The following USP17L2 variants were observed in gnomAD, a reference collection of about 807,000 sequenced individuals.
USP17L2 encodes the protein ubiquitin carboxyl-terminal hydrolase 17.
USP17L2 carries 29 observed loss-of-function variants against 39.8 expected under a neutral mutation model. The observed-to-expected ratio is 0.73, with a 90% CI of 0.54 to 0.99. The LOEUF is 0.99. Among genes scored for constraint, USP17L2 ranks in the 50% least tolerant of loss-of-function variants. The probability of loss-of-function intolerance (pLI) is 0.00; values close to 1 mark genes in which losing one functional copy is unlikely to be tolerated. For missense variants in USP17L2, 567 were observed against 647.2 expected (o/e 0.88, Z 1.35); for synonymous variants, 231 against 252.7 (o/e 0.91, Z 0.81).
Position 12,137,785 on chromosome 8 carries a change from C to A in USP17L2, c.976G>T (p.Ala326Ser), listed in dbSNP as rs375059946. The change falls in exon 1 of 1, where the codon GCT becomes TCT. Residue 326 changes from alanine (A) to serine (S), a missense_variant. This residue lies in a region of USP17L2 where 304 missense variants were observed against 254.7 expected (regional missense o/e 1.19). Coordinates refer to ENST00000333796, the MANE Select transcript of USP17L2 (RefSeq NM_201402.3). ...VYVLYAVLVH[A>S]GWSCHDGHYF... Reference sequence around the variant, plus strand: ...TGTCCGTCGTGACAACTCCACCCAGCGTGGACCAGCACAGCATAGAGGACA... The same window carrying A: ...TGTCCGTCGTGACAACTCCACCCAGAGTGGACCAGCACAGCATAGAGGACA... The A allele has an allele frequency of 1.1e-5, 16 of 1,486,402 alleles. 1 individual carries two copies. The African/African-American group carries it at 2.1e-4, about 19-fold the overall frequency. 92.1% of individuals were successfully genotyped at this position (1,486,402 alleles called of 1,614,324 possible). A position where few individuals can be genotyped will look rare whatever the true frequency, so the allele number is the denominator to read the frequency against.
rs537911522 is a variant in USP17L2 at position 12,138,560 on chromosome 8, C to A, written c.201G>T (p.Lys67Asn). 3.3e-6 allele frequency: 5 copies of A among 1,530,736 alleles called. No individual in the cohort carries two copies. The African/African-American group carries it at 5.9e-5, about 18-fold the overall frequency. 94.8% of individuals were successfully genotyped at this position (1,530,736 alleles called of 1,614,324 possible). The change falls in exon 1 of 1, where the codon AAG (lysine) becomes AAT (asparagine). Residue 67 changes from lysine (K) to asparagine (N), a missense_variant. Transcript: ENST00000333796. ...CAGGTCTCCTGCTACTCAGAGGAAG[C>A]TTCTTCCTGGGAGCAAGCTGTCTTG... ...PVARQLAPRKKLPLSSRRPAA... is the reference protein window; with the variant it reads ...PVARQLAPRKNLPLSSRRPAA...
At position 12,138,602 on chromosome 8, in the gene USP17L2, A is replaced by G. The variant is rs756836047; in HGVS notation, c.159T>C (p.Asp53=). The G allele has an allele frequency of 5.9e-6, 9 of 1,530,864 alleles. No homozygotes were observed. Among genetic ancestry groups the G allele is most frequent in the East Asian group, 2.6e-5 (1 of 38,474 alleles). 94.8% of individuals were successfully genotyped at this position (1,530,864 alleles called of 1,614,324 possible). ...GCTGTCTTGCCACAGGAGCCAAATCATCACAGAGGTCGACACGGGCCTCAG... is the reference window on the plus strand; with the variant it reads ...GCTGTCTTGCCACAGGAGCCAAATCGTCACAGAGGTCGACACGGGCCTCAG... ...LSSEARVDLC[D]DLAPVARQLA... is the part of the protein sequence containing the mutation. Residue 53 remains aspartate, a synonymous_variant, in exon 1 of 1, where the codon GAT becomes GAC. Transcript: ENST00000333796.
rs1190204391 is a variant in USP17L2, at chr8:12,137,069, TTGTG to T, written c.*95_*98del. 144 of 1,248,082 alleles carry T rather than the reference TTGTG, an allele frequency of 1.2e-4. 8 individuals are homozygous for T. Among genetic ancestry groups the T allele is most frequent in the East Asian group, 6.4e-4 (22 of 34,492 alleles). The allele number at this position is 1,248,082 out of a possible 1,614,324, so 77.3% of individuals were successfully genotyped here. On this transcript the variant is annotated 3_prime_UTR_variant, in exon 1 of 1. Transcript: ENST00000333796. ...TATGTAGGATTGACGGTGTTCGTGT[TTGTG>T]TGTGTGTGTGTGTTTGCGTGCGCGC...
At position 12,138,605 on chromosome 8, in the gene USP17L2, A is replaced by G; in HGVS notation, c.156T>C (p.Cys52=). 6.5e-7 allele frequency: 1 copy of G among 1,530,650 alleles called. No individual in the cohort carries two copies. The highest frequency in any genetic ancestry group is 1.2e-5 in the South Asian group (1 of 81,272). 94.8% of individuals were successfully genotyped at this position (1,530,650 alleles called of 1,614,324 possible). ...PLSSEARVDL[C]DDLAPVARQL... Reference sequence around the variant, plus strand: ...GTCTTGCCACAGGAGCCAAATCATCACAGAGGTCGACACGGGCCTCAGATG... The same window carrying G: ...GTCTTGCCACAGGAGCCAAATCATCGCAGAGGTCGACACGGGCCTCAGATG... The change falls in exon 1 of 1, where the codon TGT becomes TGC. Residue 52 remains cysteine, a synonymous_variant. Coordinates refer to ENST00000333796, the MANE Select transcript of USP17L2 (RefSeq NM_201402.3).
chr8:12,138,493 A>T lies in USP17L2; in HGVS notation c.268T>A (p.Tyr90Asn), dbSNP rs371801443. 1.9e-6 allele frequency: 3 copies of T among 1,540,458 alleles called. No homozygotes were observed. The highest frequency in any genetic ancestry group is 1.8e-5 in the Admixed American group (1 of 56,280). The change falls in exon 1 of 1, where the codon TAC (tyrosine) becomes AAC (asparagine). Residue 90 changes from tyrosine (Y) to asparagine (N), a missense_variant. This residue lies in a region of USP17L2 where 120 missense variants were observed against 111.0 expected (regional missense o/e 1.08). Coordinates refer to ENST00000333796, the MANE Select transcript of USP17L2 (RefSeq NM_201402.3). Reference protein sequence around the residue: ...AGLQNMGNTCYENASLQCLTY... With the variant: ...AGLQNMGNTCNENASLQCLTY... The stretch of plus-strand genomic sequence containing the variant: ...AGGCACTGCAGGGAAGCGTTCTCGT[A>T]GCAGGTATTTCCCATATTCTGGAGC...
rs1230413118 is a variant in USP17L2, at chr8:12,137,200, G to C, written c.1561C>G (p.His521Asp). 3 of 1,531,022 alleles carry C rather than the reference G, an allele frequency of 2.0e-6. No homozygotes were observed. Among genetic ancestry groups the C allele is most frequent in the East Asian group, 5.2e-5 (2 of 38,158 alleles). The allele number at this position is 1,531,022 out of a possible 1,614,324, so 94.8% of individuals were successfully genotyped here. A position where few individuals can be genotyped will look rare whatever the true frequency, so the allele number is the denominator to read the frequency against. ...CACACAAGCAGAGCCCTCTTGCTGT[G>C]TTTGTTCTTCCCTTTGGATCTCCTG... is the stretch of plus-strand genomic sequence containing the variant. Reference protein sequence around the residue: ...RTRRSKGKNKHSKRALLVCQ With the variant: ...RTRRSKGKNKDSKRALLVCQ The change falls in exon 1 of 1, where the codon CAC becomes GAC. Residue 521 changes from histidine (H) to aspartate (D), a missense_variant. Physicochemically the swap from His to Asp is moderately conservative, Grantham distance 81. Coordinates refer to ENST00000333796, the MANE Select transcript of USP17L2 (RefSeq NM_201402.3).
rs1401548151 is a variant in USP17L2 at position 12,137,267 on chromosome 8, C to T, written c.1494G>A (p.Glu498=). The part of the protein sequence containing the change: ...NLSSTTRTDQ[E]SVNTGTLASL... ...AAGCGAGGGTGCCAGTGTTCACGGACTCCTGATCTGTCCGGGTCGTCGAAG... is the reference window on the plus strand; with the variant it reads ...AAGCGAGGGTGCCAGTGTTCACGGATTCCTGATCTGTCCGGGTCGTCGAAG... Residue 498 remains glutamate, a synonymous_variant, in exon 1 of 1, where the codon GAG becomes GAA. Coordinates refer to ENST00000333796, the MANE Select transcript of USP17L2 (RefSeq NM_201402.3). 4.6e-6 allele frequency: 7 copies of T among 1,530,786 alleles called. 1 individual carries two copies. The African/African-American group carries it at 5.9e-5, about 13-fold the overall frequency. The allele number at this position is 1,530,786 out of a possible 1,614,324, so 94.8% of individuals were successfully genotyped here. A position where few individuals can be genotyped will look rare whatever the true frequency, so the allele number is the denominator to read the frequency against.
chr8:12,137,274 T>C lies in USP17L2; in HGVS notation c.1487A>G (p.Asp496Gly). The C allele has an allele frequency of 9.1e-6, 14 of 1,530,858 alleles. 2 individuals are homozygous for C. Among genetic ancestry groups the C allele is most frequent in the Non-Finnish European group, 1.1e-5 (13 of 1,135,032 alleles). 94.8% of individuals were successfully genotyped at this position (1,530,858 alleles called of 1,614,324 possible). A position where few individuals can be genotyped will look rare whatever the true frequency, so the allele number is the denominator to read the frequency against. The change falls in exon 1 of 1, where the codon GAT becomes GGT. Residue 496 changes from aspartate (D) to glycine (G), a missense_variant. Around this residue, in one of 6 missense-constraint regions of USP17L2, gnomAD observed 304 missense variants for 254.7 expected, o/e 1.19. Coordinates refer to ENST00000333796, the MANE Select transcript of USP17L2 (RefSeq NM_201402.3). ...LLNLSSTTRTDQESVNTGTLA... is the reference protein window; with the variant it reads ...LLNLSSTTRTGQESVNTGTLA... ...GGTGCCAGTGTTCACGGACTCCTGATCTGTCCGGGTCGTCGAAGAGAGGTT... is the reference window on the plus strand; with the variant it reads ...GGTGCCAGTGTTCACGGACTCCTGACCTGTCCGGGTCGTCGAAGAGAGGTT...
chr8:12,138,663 T>C lies in USP17L2; in HGVS notation c.98A>G (p.Gln33Arg). 1 of 1,519,934 alleles carries C rather than the reference T, an allele frequency of 6.6e-7. No homozygotes were observed. The highest frequency in any genetic ancestry group is 8.9e-7 in the Non-Finnish European group (1 of 1,124,864). The allele number at this position is 1,519,934 out of a possible 1,614,324, so 94.2% of individuals were successfully genotyped here. A position where few individuals can be genotyped will look rare whatever the true frequency, so the allele number is the denominator to read the frequency against. Reference sequence around the variant, plus strand: ...TGACTTCTCAGGGAGAGAAGTCCGCTGGATTTCAGCAAAAGCTGCATCTGG... The same window carrying C: ...TGACTTCTCAGGGAGAGAAGTCCGCCGGATTTCAGCAAAAGCTGCATCTGG... ...SRPDAAFAEI[Q>R]RTSLPEKSPL... Residue 33 changes from glutamine to arginine, a missense_variant, in exon 1 of 1, where the codon CAG (glutamine) becomes CGG (arginine). This residue lies in a region of USP17L2 where 120 missense variants were observed against 111.0 expected (regional missense o/e 1.08). Coordinates refer to ENST00000333796, the MANE Select transcript of USP17L2 (RefSeq NM_201402.3).
rs747251824 is a variant in USP17L2, at chr8:12,138,616, C to T, written c.145G>A (p.Val49Ile). Residue 49 changes from valine (V) to isoleucine (I), a missense_variant, in exon 1 of 1, where the codon GTC (valine) becomes ATC (isoleucine). Coordinates refer to ENST00000333796, the MANE Select transcript of USP17L2 (RefSeq NM_201402.3). ...GGAGCCAAATCATCACAGAGGTCGA[C>T]ACGGGCCTCAGATGAGAGTGGTGAC... is the stretch of plus-strand genomic sequence containing the variant. ...EKSPLSSEARVDLCDDLAPVA... is the reference protein window; with the variant it reads ...EKSPLSSEARIDLCDDLAPVA... 3 of 1,530,646 alleles carry T rather than the reference C, an allele frequency of 2.0e-6. No homozygotes were observed. The highest frequency in any genetic ancestry group is 2.6e-6 in the Non-Finnish European group (3 of 1,134,802). 94.8% of individuals were successfully genotyped at this position (1,530,646 alleles called of 1,614,324 possible).
At position 12,137,225 on chromosome 8, in the gene USP17L2, G is replaced by C; in HGVS notation, c.1536C>G (p.Thr512=). The change falls in exon 1 of 1, where the codon ACC becomes ACG. Residue 512 remains threonine, a synonymous_variant. Coordinates refer to ENST00000333796, the MANE Select transcript of USP17L2 (RefSeq NM_201402.3). The part of the protein sequence containing the change: ...TGTLASLQGR[T]RRSKGKNKHS... ...GTTTGTTCTTCCCTTTGGATCTCCT[G>C]GTCCTCCCTTGCAGAGAAGCGAGGG... 6.5e-7 allele frequency: 1 copy of C among 1,530,720 alleles called. No individual in the cohort carries two copies. Among genetic ancestry groups the C allele is most frequent in the Non-Finnish European group, 8.8e-7 (1 of 1,135,162 alleles). The allele number at this position is 1,530,720 out of a possible 1,614,324, so 94.8% of individuals were successfully genotyped here.
rs1430374237 is a variant in USP17L2 at position 12,137,929 on chromosome 8, G to C, written c.832C>G (p.Leu278Val). 4.6e-6 allele frequency: 7 copies of C among 1,531,436 alleles called. 1 individual carries two copies. The African/African-American group carries it at 1.0e-4, about 22-fold the overall frequency. The allele number at this position is 1,531,436 out of a possible 1,614,324, so 94.9% of individuals were successfully genotyped here. Residue 278 changes from leucine to valine, a missense_variant, in exon 1 of 1, where the codon CTT (leucine) becomes GTT (valine). By Grantham distance (32) the Leu-to-Val change is conservative. Coordinates refer to ENST00000333796, the MANE Select transcript of USP17L2 (RefSeq NM_201402.3). ...ACATCGGAGAATCTCTTCAAGACAA[G>C]GATGAGGACCTTGGCAGAAGTGTGT... The part of the protein sequence containing the change: ...TLHTSAKVLI[L>V]VLKRFSDVTG...
chr8:12,137,984 C>G lies in USP17L2; in HGVS notation c.777G>C (p.Gln259His), dbSNP rs769282150. The G allele has an allele frequency of 1.5e-5, 22 of 1,495,902 alleles. 1 individual carries two copies. Among genetic ancestry groups the G allele is most frequent in the Middle Eastern group, 4.9e-4 (2 of 4,072 alleles). 92.7% of individuals were successfully genotyped at this position (1,495,902 alleles called of 1,614,324 possible). A position where few individuals can be genotyped will look rare whatever the true frequency, so the allele number is the denominator to read the frequency against. The change falls in exon 1 of 1, where the codon CAG (glutamine) becomes CAC (histidine). Residue 259 changes from glutamine (Q) to histidine (H), a missense_variant. This residue lies in a region of USP17L2 where 65 missense variants were observed against 84.8 expected (regional missense o/e 0.77). Coordinates refer to ENST00000333796, the MANE Select transcript of USP17L2 (RefSeq NM_201402.3). The stretch of plus-strand genomic sequence containing the variant: ...TTAACGTCTTGGAGGCCGGCGCCCT[C>G]TGGAGACAAAGACCGCAATGATAGG... ...ENAYHCGLCL[Q>H]RAPASKTLTL...
Position 12,137,715 on chromosome 8 carries a change from A to G in USP17L2, c.1046T>C (p.Met349Thr). The change falls in exon 1 of 1, where the codon ATG becomes ACG. Residue 349 changes from methionine (M) to threonine (T), a missense_variant. Coordinates refer to ENST00000333796, the MANE Select transcript of USP17L2 (RefSeq NM_201402.3). ...ACAGGCAGTGACCTTGGCATCATCC[A>G]TTTTATACCACTGGCCTTCTTGAGC... The part of the protein sequence containing the change: ...VKAQEGQWYK[M>T]DDAKVTACSI... 2 of 1,532,440 alleles carry G rather than the reference A, an allele frequency of 1.3e-6. No homozygotes were observed. Among genetic ancestry groups the G allele is most frequent in the Non-Finnish European group, 1.8e-6 (2 of 1,134,064 alleles). The allele number at this position is 1,532,440 out of a possible 1,614,324, so 94.9% of individuals were successfully genotyped here.
chr8:12,138,832 A>G lies in USP17L2; in HGVS notation c.-72T>C. 4 of 974,638 alleles carry G rather than the reference A, an allele frequency of 4.1e-6. No individual in the cohort carries two copies. Among genetic ancestry groups the G allele is most frequent in the Non-Finnish European group, 6.2e-6 (4 of 643,724 alleles). 60.4% of individuals were successfully genotyped at this position (974,638 alleles called of 1,614,324 possible). A position where few individuals can be genotyped will look rare whatever the true frequency, so the allele number is the denominator to read the frequency against. ...TTGCAGCAAGACGCTATCTCTTCCA[A>G]GAGAGTCTTCAAATGACGAGCTCTC... On this transcript the variant is annotated 5_prime_UTR_variant, in exon 1 of 1. Transcript: ENST00000333796.
rs1803347128 is a variant in USP17L2 at position 12,138,333 on chromosome 8, A to T, written c.428T>A (p.Ile143Asn). ...AGCAGCCAATGCCTGTGAGGGCTGG[A>T]TGACATGACCAGGACTGTGGAGGGC... ...TWALHSPGHV[I>N]QPSQALAAGF... The change falls in exon 1 of 1, where the codon ATC (isoleucine) becomes AAC (asparagine). Residue 143 changes from isoleucine (I) to asparagine (N), a missense_variant. By Grantham distance (149) the Ile-to-Asn change is moderately radical (BLOSUM62 -3). Transcript: ENST00000333796. 4 of 1,520,132 alleles carry T rather than the reference A, an allele frequency of 2.6e-6. No individual in the cohort carries two copies. In the East Asian group the frequency reaches 1.0e-4, roughly 39 times the overall value. The allele number at this position is 1,520,132 out of a possible 1,614,324, so 94.2% of individuals were successfully genotyped here.
chr8:12,137,094 C>A lies in USP17L2; in HGVS notation c.*74G>T, dbSNP rs553486248. On this transcript the variant is annotated 3_prime_UTR_variant, in exon 1 of 1. Transcript: ENST00000333796. ...TTGTGTGTGTGTGTGTGTTTGCGTG[C>A]GCGCTTGTGGGTGTATTTGTGCGTG... is the stretch of plus-strand genomic sequence containing the variant. The A allele has an allele frequency of 1.4e-6, 2 of 1,428,856 alleles. No individual in the cohort carries two copies. Among genetic ancestry groups the A allele is most frequent in the African/African-American group, 3.0e-5 (2 of 65,864 alleles). 88.5% of individuals were successfully genotyped at this position (1,428,856 alleles called of 1,614,324 possible).
chr8:12,138,043 A>G lies in USP17L2; in HGVS notation c.718T>C (p.Leu240=), dbSNP rs1402090937. The stretch of plus-strand genomic sequence containing the variant: ...CCATTGAGTTCTTCGGGCTTCACCA[A>G]CTGTTCCAAAGCTTGCTTGACACTC... ...AQSVKQALEQ[L]VKPEELNGEN... The change falls in exon 1 of 1, where the codon TTG becomes CTG. Residue 240 remains leucine (L), a synonymous_variant. Coordinates refer to ENST00000333796, the MANE Select transcript of USP17L2 (RefSeq NM_201402.3). 8.1e-6 allele frequency: 11 copies of G among 1,363,976 alleles called. 1 individual carries two copies. The South Asian group carries it at 1.0e-4, about 13-fold the overall frequency. The allele number at this position is 1,363,976 out of a possible 1,614,324, so 84.5% of individuals were successfully genotyped here.
In USP17L2 at chr8:12,137,908, C is replaced by T. The variant is rs767583659; in HGVS notation, c.853G>A (p.Asp285Asn). 1.2e-5 allele frequency: 18 copies of T among 1,533,908 alleles called. 1 individual carries two copies. The highest frequency in any genetic ancestry group is 2.3e-4 in the Middle Eastern group (1 of 4,314). Residue 285 changes from aspartate to asparagine, a missense_variant, in exon 1 of 1, where the codon GAT (aspartate) becomes AAT (asparagine). Physicochemically the swap from Asp to Asn is conservative, Grantham distance 23. Coordinates refer to ENST00000333796, the MANE Select transcript of USP17L2 (RefSeq NM_201402.3). ...TTGGCAAGTTTGTTGCCTGTGACAT[C>T]GGAGAATCTCTTCAAGACAAGGATG... ...VLILVLKRFS[D>N]VTGNKLAKNV... is the part of the protein sequence containing the mutation.
Sources: gnomAD v4.1 joint callset for allele counts on GRCh38, gnomAD v4.1.1 for gene constraint, gnomAD v4.1.1 regional missense constraint, MANE v1.5 for transcripts, NCBI Gene and HGNC (gene_info 2026-07-23, HGNC 2026-07-21) for gene names.